Variants in MAGED1 observed in about 807,000 individuals in gnomAD.
MAGED1 encodes the protein MAGE family member D1.
In MAGED1, 3 loss-of-function variants were observed where a neutral mutation model predicts 54.1. The ratio of observed to expected loss-of-function variants is 0.06; its 90% CI spans 0.03 to 0.14. The LOEUF (loss-of-function observed/expected upper bound fraction) is 0.14. Ranked by LOEUF, MAGED1 falls within the 10% of genes least tolerant of loss-of-function variation. The probability of loss-of-function intolerance (pLI) is 1.00; values close to 1 mark genes in which losing one functional copy is unlikely to be tolerated. For synonymous variants in MAGED1, 217 were observed against 227.3 expected (o/e 0.95, Z 0.41); for missense variants, 485 against 623.4 (o/e 0.78, Z 2.36).
intron 2 of MAGED1, 114 bp from the exon 3 acceptor site, chrX:51,894,939 A>G: frequency 1.2e-6 from 1 of 866,851 alleles, no homozygotes; most frequent in Non-Finnish European, 1.6e-6. Context: ...CTGTTTTTGC[A>G]CCCACCGCCC....
intron 2 of MAGED1, 145 bp from the exon 3 acceptor site, chrX:51,894,908 T>G: frequency 1.1e-6 from 1 of 909,430 alleles, no homozygotes; most frequent in East Asian, 3.3e-5. Context: ...GCGGGCCCCC[T>G]AGATCTCTGC....
intron 1 of MAGED1, among the ~76,000 whole-genome samples, chrX:51,806,712 G>T (rs1462796080): frequency 3.6e-5 from 4 of 111,348 alleles, no homozygotes; most frequent in Admixed American, 9.6e-5. Context: ...CTGAATCACA[G>T]GTTATGTATA....
At chrX:51,814,291 C>T (rs1178814989) in intron 1 of MAGED1, among the ~76,000 whole-genome samples, 1 of 111,387 alleles carries the variant, frequency 9.0e-6, no homozygotes, top group Non-Finnish European at 1.9e-5. Context: ...CTGCTGCTAC[C>T]GCCGCCGCCG....
chrX:51,830,560 A>G (rs1346913154), intron 1 of MAGED1, among the ~76,000 whole-genome samples: 1 of 110,675 alleles, frequency 9.0e-6, no homozygotes, highest in Non-Finnish European at 1.9e-5. Flanking sequence ...AAGAGGAAAA[A>G]AAAAAAAGGT....
chrX:51,803,928 C>G (rs782675533), intron 1 of MAGED1, among the ~76,000 whole-genome samples: 1 of 110,522 alleles, frequency 9.0e-6, no homozygotes, highest in African/African-American at 3.3e-5. Context: ...TGTAAAACTT[C>G]TCTTAGCAGT....
upstream of MAGED1, among the ~76,000 whole-genome samples, chrX:51,892,773 G>T (rs1310733616): frequency 8.9e-6 from 1 of 111,746 alleles, no homozygotes; most frequent in Non-Finnish European, 1.9e-5. Flanking sequence ...CAGAATGTGG[G>T]CTTTGGAGTC....
chrX:51,900,587 G>A (rs1209068400), intron 11 of MAGED1, among the ~76,000 whole-genome samples: 2 of 107,264 alleles, frequency 1.9e-5, no homozygotes, highest in Admixed American at 9.7e-5. Flanking sequence ...GTATATATTT[G>A]TGGTGTACAA....
At chrX:51,881,502 G>C (rs868949972) in intron 1 of MAGED1, among the ~76,000 whole-genome samples, 1 of 108,209 alleles carries the variant, frequency 9.2e-6, no homozygotes, top group Non-Finnish European at 1.9e-5. Context: ...TGCAACCTCC[G>C]CCTCCTGGGT....
chrX:51,883,046 A>G (rs7053197), intron 1 of MAGED1, among the ~76,000 whole-genome samples: 28,551 of 110,313 alleles, frequency 0.26, 2,946 homozygotes, highest in Middle Eastern at 0.33. Context: ...AGAGAAGACT[A>G]TACCTCTACC....
chrX:51,863,467 A>G (rs1927353138), intron 1 of MAGED1, among the ~76,000 whole-genome samples: 2 of 112,034 alleles, frequency 1.8e-5, no homozygotes, highest in African/African-American at 6.5e-5. Context: ...TCTTTAAGAT[A>G]GTGATTTTAT....
intron 1 of MAGED1, among the ~76,000 whole-genome samples, chrX:51,842,494 C>T (rs1435859582): frequency 9.0e-6 from 1 of 110,786 alleles, no homozygotes; most frequent in Admixed American, 9.7e-5. Flanking sequence ...GTTAGGTGGG[C>T]CAAGGGAGAA....
chrX:51,806,447 C>G (rs150679651), intron 1 of MAGED1, among the ~76,000 whole-genome samples: 1 of 111,977 alleles, frequency 8.9e-6, no homozygotes, highest in Non-Finnish European at 1.9e-5. Context: ...AAAAGTAACA[C>G]AGTTTGTGTT....
intron 1 of MAGED1, among the ~76,000 whole-genome samples, chrX:51,888,509 A>G (rs1183089172): frequency 8.9e-6 from 1 of 112,162 alleles, no homozygotes; most frequent in African/African-American, 3.2e-5. Flanking sequence ...TCCTTCACAC[A>G]TAGCTGGTGG....
chrX:51,850,173 G>A (rs1371608381), intron 1 of MAGED1, among the ~76,000 whole-genome samples: 2 of 111,203 alleles, frequency 1.8e-5, no homozygotes, highest in African/African-American at 3.3e-5. Flanking sequence ...TGCCCACCTC[G>A]ACCTCCCAAA....
chrX:51,897,448 T>A, intron 5 of MAGED1, 99 bp from the exon 6 acceptor site: 1 of 806,688 alleles, frequency 1.2e-6, no homozygotes, highest in South Asian at 2.2e-5. Flanking sequence ...CTTTCCACCC[T>A]TGAGGACCTT....
intron 1 of MAGED1, among the ~76,000 whole-genome samples, chrX:51,876,635 T>G (rs1291352298): frequency 9.0e-6 from 1 of 111,374 alleles, no homozygotes; most frequent in African/African-American, 3.3e-5. Flanking sequence ...TGAGTACATA[T>G]GGGCTGAAAA....
At chrX:51,821,296 AG>A (rs1449328462) in intron 1 of MAGED1, among the ~76,000 whole-genome samples, 1 of 111,677 alleles carries the variant, frequency 9.0e-6, no homozygotes, top group Non-Finnish European at 1.9e-5. Context: ...TGCCCTTGTT[AG>A]AATCTTCAGT....
chrX:51,872,764 T>C (rs1306722023), intron 1 of MAGED1, among the ~76,000 whole-genome samples: 2 of 112,300 alleles, frequency 1.8e-5, no homozygotes, highest in African/African-American at 6.5e-5. Context: ...TGCACTTGCG[T>C]AAGACACTTC....
chrX:51,812,586 A>G (rs935972376), intron 1 of MAGED1, among the ~76,000 whole-genome samples: 1 of 112,025 alleles, frequency 8.9e-6, no homozygotes, highest in South Asian at 3.7e-4. Flanking sequence ...ATGTCTTAGT[A>G]TTTCCATTCC....
Sources: gnomAD v4.1 joint callset for allele counts (sites outside exome capture counted in the v4.1 genomes callset) on GRCh38, gnomAD v4.1.1 for gene constraint, MANE v1.5 for transcripts, NCBI Gene and HGNC (gene_info 2026-07-23, HGNC 2026-07-21) for gene names.